Variants in NAV3 observed in about 807,000 individuals in gnomAD.
NAV3 encodes the protein pore membrane and/or filament interacting like protein 1.
Under a neutral mutation model 244.7 loss-of-function variants are expected in NAV3, and 87 were observed. The observed-to-expected ratio is 0.36, with a 90% CI of 0.30 to 0.42. NAV3 has a LOEUF of 0.42. Ranked by LOEUF, NAV3 falls within the 20% of genes least tolerant of loss-of-function variation. The pLI is 1.00. For synonymous variants in NAV3, 1,126 were observed against 1,042.2 expected, an observed-to-expected ratio of 1.08 and a Z score of -1.55; for missense variants, 2,663 against 2,893.3, an observed-to-expected ratio of 0.92 and a Z score of 1.83.
intron 1 of NAV3, among the ~76,000 whole-genome samples, chr12:77,863,543 C>T (rs1048522696): frequency 6.6e-6 from 1 of 151,726 alleles, no homozygotes; most frequent in Non-Finnish European, 1.5e-5. Context: ...AGTCATTCCA[C>T]AGGACATTTT....
intron 1 of NAV3, among the ~76,000 whole-genome samples, chr12:77,938,895 T>C (rs1565939206): frequency 6.6e-6 from 1 of 151,552 alleles, no homozygotes; most frequent in Non-Finnish European, 1.5e-5. Context: ...AAATAATATG[T>C]AAAATTTGAG....
chr12:77,685,097 T>C (rs756501720), intron 2 of NAV3, among the ~76,000 whole-genome samples: 5 of 152,204 alleles, frequency 3.3e-5, no homozygotes, highest in Non-Finnish European at 7.3e-5. Context: ...TTTTTAAGAT[T>C]CTGAAGCTGA....
At chr12:77,875,642 A>G (rs1881740487) in intron 1 of NAV3, among the ~76,000 whole-genome samples, 1 of 149,804 alleles carries the variant, frequency 6.7e-6, no homozygotes, top group African/African-American at 2.5e-5. Context: ...TTGATTATCT[A>G]AAGAGATAGC....
intron 8 of NAV3, among the ~76,000 whole-genome samples, 177 bp downstream of exon 8, chr12:78,007,622 A>G (rs370826079): frequency 2.0e-5 from 3 of 152,198 alleles, no homozygotes; most frequent in East Asian, 3.9e-4. Flanking sequence ...AAAGACTTCC[A>G]GTAGGATCTA....
chr12:78,154,769 A>G (rs1299599539), intron 22 of NAV3, among the ~76,000 whole-genome samples: 1 of 151,988 alleles, frequency 6.6e-6, no homozygotes, highest in East Asian at 1.9e-4. Context: ...CTGAAAATCC[A>G]TATTTTTTAA....
At chr12:77,980,857 C>G (rs12579613) in intron 5 of NAV3, among the ~76,000 whole-genome samples, 1 of 152,104 alleles carries the variant, frequency 6.6e-6, no homozygotes, top group Non-Finnish European at 1.5e-5. Context: ...TTTGACATTC[C>G]TAAAAGAGCA....
At chr12:77,876,555 T>C (rs763754786) in intron 1 of NAV3, among the ~76,000 whole-genome samples, 5 of 152,104 alleles carry the variant, frequency 3.3e-5, no homozygotes, top group Non-Finnish European at 5.9e-5. Flanking sequence ...CTAAGTATGA[T>C]GAATTGTATT....
chr12:78,199,094 C>A (rs1435813967), intron 36 of NAV3: 4 of 604,746 alleles, frequency 6.6e-6, no homozygotes, highest in African/African-American at 1.8e-5. Context: ...GACTCCCACT[C>A]ACTTCTGACG....
Position 77,768,434 on chromosome 12 carries a change from C to T in NAV3, c.73-171885C>T, listed in dbSNP as rs116781245. On this transcript the variant is annotated intron_variant, in intron 2 of 8. Coordinates refer to the NAV3 transcript ENST00000550042. ...TGCCTTCAGGCCTGCACCAAGCTGC[C>T]CTTAGTGCCCCCTCGGCCTCCCTTC... 7.8e-3 allele frequency among the ~76,000 whole-genome samples: 1,194 copies of T among 152,296 alleles called. 15 individuals are homozygous for T. The highest frequency in any genetic ancestry group is 0.028 in the African/African-American group (1,157 of 41,562).
intron 2 of NAV3, among the ~76,000 whole-genome samples, chr12:77,575,893 G>C (rs1262575732): frequency 6.6e-6 from 1 of 152,140 alleles, no homozygotes; most frequent in Non-Finnish European, 1.5e-5. Context: ...AAAGTATTTG[G>C]TGATCTGTTG....
intron 2 of NAV3, among the ~76,000 whole-genome samples, chr12:77,624,083 T>A (rs1222144612): frequency 2.0e-5 from 3 of 152,176 alleles, no homozygotes; most frequent in Non-Finnish European, 4.4e-5. Flanking sequence ...GATAGCTCAG[T>A]AAGCACCAGA....
At chr12:77,864,220 T>G (rs1592821218) in intron 1 of NAV3, among the ~76,000 whole-genome samples, 1 of 151,928 alleles carries the variant, frequency 6.6e-6, no homozygotes, top group East Asian at 1.9e-4. Flanking sequence ...AGTCTTTTCC[T>G]GCATTCTGCC....
At chr12:78,003,156 C>T (rs944137653) in intron 7 of NAV3, among the ~76,000 whole-genome samples, 3 of 151,300 alleles carry the variant, frequency 2.0e-5, no homozygotes, top group Non-Finnish European at 4.4e-5. Flanking sequence ...AGGCAATACA[C>T]GAGCAATTAT....
chr12:77,800,188 TGGCTTGCTAAGCATAGTAAA>T (rs150667208), intron 2 of NAV3, among the ~76,000 whole-genome samples: 22,684 of 152,118 alleles, frequency 0.15, 2,001 homozygotes, highest in Middle Eastern at 0.22. Flanking sequence ...AGATTCCATT[TGGCTTGCTAAGCATAGTAAA>T]GGCCAAAAGG....
intron 2 of NAV3, among the ~76,000 whole-genome samples, chr12:77,582,529 T>C (rs906918833): frequency 6.6e-6 from 1 of 152,204 alleles, no homozygotes; most frequent in Non-Finnish European, 1.5e-5. Flanking sequence ...CATTAGGAAG[T>C]TTTATTAATT....
intron 2 of NAV3, chr12:77,783,196 T>A (rs1274802006): frequency 1.3e-5 from 2 of 152,138 alleles, no homozygotes; most frequent in African/African-American, 4.8e-5. Flanking sequence ...CTGTTTGATG[T>A]TTTGCTTATT....
At chr12:77,688,957 T>G (rs1874882458) in intron 2 of NAV3, among the ~76,000 whole-genome samples, 1 of 151,872 alleles carries the variant, frequency 6.6e-6, no homozygotes, top group African/African-American at 2.4e-5. Context: ...TTACATAGTT[T>G]TATAACTTTC....
intron 2 of NAV3, among the ~76,000 whole-genome samples, chr12:77,752,481 A>C (rs1868910734): frequency 6.6e-6 from 1 of 152,096 alleles, no homozygotes; most frequent in Admixed American, 6.6e-5. Context: ...AGATGAAGAC[A>C]CATCAAAATC....
chr12:78,050,027 T>C lies in NAV3; in HGVS notation c.2058T>C (p.Val686=). The C allele has an allele frequency of 1.9e-6, 3 of 1,613,156 alleles. No homozygotes were observed. The highest frequency in any genetic ancestry group is 1.7e-6 in the Non-Finnish European group (2 of 1,179,694). Reference sequence around the variant, plus strand: ...CTGAAACAAGAAGAATGAGAACAGTTAAAAACATAGCAGACTTGAGGCAGA... The same window carrying C: ...CTGAAACAAGAAGAATGAGAACAGTCAAAAACATAGCAGACTTGAGGCAGA... The part of the protein sequence containing the change: ...EDPETRRMRT[V]KNIADLRQNL... The change falls in exon 10 of 40, where the codon GTT becomes GTC. Residue 686 remains valine, a synonymous_variant. Transcript: ENST00000397909.
Sources: allele counts gnomAD v4.1 joint callset (sites outside exome capture counted in the v4.1 genomes callset), GRCh38; gene constraint gnomAD v4.1.1; transcripts MANE v1.5; gene names NCBI Gene and HGNC (gene_info 2026-07-23, HGNC 2026-07-21).